CSMD1: variants seen among roughly 807,000 people sequenced by gnomAD.
The protein encoded by CSMD1 is CUB and sushi domain-containing protein 1.
CSMD1 carries 213 observed loss-of-function variants against 417.5 expected under a neutral mutation model. The ratio of observed to expected loss-of-function variants is 0.51; its 90% CI spans 0.46 to 0.57. CSMD1 has a LOEUF of 0.57. Ranked by LOEUF, CSMD1 falls within the 20% of genes least tolerant of loss-of-function variation. CSMD1 has a pLI of 0.00. For missense variants in CSMD1, 6,923 were observed against 4,529.7 expected (o/e 1.53, Z -15.17); for synonymous variants, 2,862 against 1,736.8 (o/e 1.65, Z -16.11).
At chr8:4,120,230 C>G (rs557063621) in intron 3 of CSMD1, among the ~76,000 whole-genome samples, 38 of 152,252 alleles carry the variant, frequency 2.5e-4, no homozygotes, top group Admixed American at 1.4e-3. Context: ...AATTGGCTGA[C>G]AGCCATGACT....
rs991648380 is a variant in CSMD1, at chr8:3,929,458, C to G, written c.818+68445G>C. ...GGTCCAAAAGCTGGAGGGGACAGAA[C>G]AAATCAGCTACAGGTGCTGTCTCTG... is the stretch of plus-strand genomic sequence containing the variant. On this transcript the variant is annotated intron_variant, in intron 5 of 69. Transcript: ENST00000635120. Among the ~76,000 whole-genome samples, 15 of 150,270 alleles carry G rather than the reference C, an allele frequency of 1.0e-4. 1 individual carries two copies. Among genetic ancestry groups the G allele is most frequent in the African/African-American group, 3.7e-4 (15 of 40,710 alleles).
intron 4 of CSMD1, among the ~76,000 whole-genome samples, chr8:4,014,180 A>G (rs1563319241): frequency 6.6e-6 from 1 of 152,220 alleles, no homozygotes; most frequent in Non-Finnish European, 1.5e-5. Flanking sequence ...AAATGCATTC[A>G]TTAAGTTTGC....
chr8:3,757,807 C>T (rs927441599), intron 5 of CSMD1, among the ~76,000 whole-genome samples: 3 of 151,828 alleles, frequency 2.0e-5, no homozygotes, highest in Non-Finnish European at 4.4e-5. Flanking sequence ...TGAGATCACA[C>T]CATCACACTC....
intron 6 of CSMD1, among the ~76,000 whole-genome samples, chr8:3,711,876 G>A (rs374417077): frequency 6.6e-6 from 1 of 152,156 alleles, no homozygotes; most frequent in East Asian, 1.9e-4. Context: ...CAACGCAAAT[G>A]TCACTCACCC....
chr8:3,666,974 G>A (rs1216825189), intron 7 of CSMD1, among the ~76,000 whole-genome samples: 1 of 152,190 alleles, frequency 6.6e-6, no homozygotes, highest in African/African-American at 2.4e-5. Context: ...CTAATTGTAA[G>A]AGCTCGAATT....
At chr8:3,387,921 C>T (rs1811111654) in intron 17 of CSMD1, among the ~76,000 whole-genome samples, 1 of 152,122 alleles carries the variant, frequency 6.6e-6, no homozygotes, top group African/African-American at 2.4e-5. Context: ...CATACAACAA[C>T]CTTGAATAAT....
At chr8:3,148,543 G>T (rs1016922529) in intron 40 of CSMD1, among the ~76,000 whole-genome samples, 1 of 152,188 alleles carries the variant, frequency 6.6e-6, no homozygotes, top group Non-Finnish European at 1.5e-5. Flanking sequence ...CATGTGCATA[G>T]AACGGAGACT....
At chr8:4,490,473 C>T (rs563800066) in intron 2 of CSMD1, among the ~76,000 whole-genome samples, 3 of 152,208 alleles carry the variant, frequency 2.0e-5, no homozygotes, top group Non-Finnish European at 2.9e-5. Context: ...TGATTAATTA[C>T]TTTAACAATT....
At chr8:4,279,756 A>C (rs931759177) in intron 3 of CSMD1, among the ~76,000 whole-genome samples, 4 of 152,204 alleles carry the variant, frequency 2.6e-5, no homozygotes, top group African/African-American at 9.6e-5. Flanking sequence ...GAAGAAAAAA[A>C]ATAAAACTCT....
chr8:3,401,794 G>A (rs1300019404), intron 15 of CSMD1, among the ~76,000 whole-genome samples: 2 of 152,076 alleles, frequency 1.3e-5, no homozygotes, highest in Non-Finnish European at 2.9e-5. Flanking sequence ...CCCATGACAA[G>A]GTTCCTTTAA....
intron 1 of CSMD1, among the ~76,000 whole-genome samples, chr8:4,736,518 G>A (rs1450310096): frequency 6.6e-6 from 1 of 152,110 alleles, no homozygotes; most frequent in South Asian, 2.1e-4. Context: ...AGCATACACT[G>A]CGGCCATGAC....
At chr8:4,656,727 C>T (rs1056011991) in intron 1 of CSMD1, among the ~76,000 whole-genome samples, 1 of 152,066 alleles carries the variant, frequency 6.6e-6, no homozygotes, top group African/African-American at 2.4e-5. Flanking sequence ...CACTCCAGAA[C>T]AGTGTTTGGG....
intron 36 of CSMD1, among the ~76,000 whole-genome samples, chr8:3,185,595 C>T (rs1446375509): frequency 6.6e-6 from 1 of 152,186 alleles, no homozygotes; most frequent in Admixed American, 6.5e-5. Flanking sequence ...GAAATTATTA[C>T]ACATCTGAAG....
chr8:4,968,857 C>T (rs1314849870), intron 1 of CSMD1, among the ~76,000 whole-genome samples: 1 of 152,182 alleles, frequency 6.6e-6, no homozygotes, highest in Non-Finnish European at 1.5e-5. Context: ...CTGCACACCG[C>T]TTAGTGCTAC....
chr8:3,863,197 G>C (rs6998826), intron 5 of CSMD1, among the ~76,000 whole-genome samples: 3,576 of 152,116 alleles, frequency 0.024, 134 homozygotes, highest in African/African-American at 0.08. Context: ...AGGAGTTTGA[G>C]ACCAGCCTGG....
chr8:4,272,717 A>G (rs1804683437), intron 3 of CSMD1, among the ~76,000 whole-genome samples: 1 of 152,112 alleles, frequency 6.6e-6, no homozygotes, highest in Non-Finnish European at 1.5e-5. Flanking sequence ...TTCATTCTGT[A>G]ATTCTTGACT....
chr8:3,471,004 G>C (rs1417814798), intron 11 of CSMD1, among the ~76,000 whole-genome samples: 1 of 152,152 alleles, frequency 6.6e-6, no homozygotes, highest in Admixed American at 6.6e-5. Flanking sequence ...GTTTCTGTGT[G>C]AGCATAAATC....
chr8:3,933,629 G>C (rs1478318731), intron 5 of CSMD1, among the ~76,000 whole-genome samples: 2 of 152,132 alleles, frequency 1.3e-5, no homozygotes, highest in African/African-American at 2.4e-5. Flanking sequence ...GATACTGTTA[G>C]TCTCTATATT....
intron 5 of CSMD1, among the ~76,000 whole-genome samples, chr8:3,935,334 C>G (rs1810414865): frequency 6.6e-6 from 1 of 152,144 alleles, no homozygotes; most frequent in African/African-American, 2.4e-5. Context: ...ATTAGTGATA[C>G]TTGGTTGTTT....
Sources: allele counts gnomAD v4.1 joint callset (sites outside exome capture counted in the v4.1 genomes callset), GRCh38; gene constraint gnomAD v4.1.1; transcripts MANE v1.5; gene names NCBI Gene and HGNC (gene_info 2026-07-23, HGNC 2026-07-21).